The following CRTAC1 variants were observed in gnomAD, a reference collection of about 807,000 sequenced individuals.
The protein encoded by CRTAC1 is cartilage acidic protein 1.
A neutral mutation model predicts 67.8 loss-of-function variants in CRTAC1; 37 were observed. That is an observed-to-expected ratio of 0.55 (90% CI 0.42 to 0.72). The LOEUF (loss-of-function observed/expected upper bound fraction) is 0.72. Ranked by LOEUF, CRTAC1 falls within the 30% of genes least tolerant of loss-of-function variation. CRTAC1 has a pLI of 0.00. For missense variants in CRTAC1, 780 were observed against 931.6 expected (o/e 0.84, Z 2.12); for synonymous variants, 348 against 371.0 (o/e 0.94, Z 0.71).
chr10:97,994,065 C>A (rs969639335), intron 2 of CRTAC1, among the ~76,000 whole-genome samples: 9 of 152,102 alleles, frequency 5.9e-5, no homozygotes, highest in African/African-American at 1.7e-4. Context: ...CCGTGCTGGC[C>A]AGGCTGGTCT....
intron 3 of CRTAC1, among the ~76,000 whole-genome samples, chr10:97,926,938 C>G (rs61013517): frequency 0.077 from 11,750 of 152,248 alleles, 581 homozygotes; most frequent in African/African-American, 0.14. Context: ...CCTTGCCCAT[C>G]TCTGCCCAAC....
At chr10:97,991,578 C>A (rs1271160071) in intron 2 of CRTAC1, among the ~76,000 whole-genome samples, 2 of 152,136 alleles carry the variant, frequency 1.3e-5, no homozygotes, top group Non-Finnish European at 1.5e-5. Flanking sequence ...GAAACATATT[C>A]ATACTCAACA....
chr10:97,904,846 G>C, intron 6 of CRTAC1, 32 bp from the exon 7 acceptor site: 1 of 1,578,414 alleles, frequency 6.3e-7, no homozygotes, highest in Non-Finnish European at 8.6e-7. Flanking sequence ...TCTCAGGGCG[G>C]CATCCCCTGC....
At chr10:97,929,083 G>C (rs1317482864) in intron 3 of CRTAC1, among the ~76,000 whole-genome samples, 1 of 152,008 alleles carries the variant, frequency 6.6e-6, no homozygotes, top group East Asian at 1.9e-4. Flanking sequence ...GTGGCCGGCA[G>C]AGTGAGGGAG....
At chr10:97,977,187 G>A (rs1456546057) in intron 2 of CRTAC1, among the ~76,000 whole-genome samples, 1 of 152,242 alleles carries the variant, frequency 6.6e-6, no homozygotes, top group Non-Finnish European at 1.5e-5. Flanking sequence ...AGATAAGAGG[G>A]CCCAGGGTAA....
chr10:97,977,176 C>G (rs771860233), intron 2 of CRTAC1, among the ~76,000 whole-genome samples: 10 of 152,226 alleles, frequency 6.6e-5, no homozygotes, highest in Non-Finnish European at 1.5e-4. Context: ...GGGCCCCTGA[C>G]AGATAAGAGG....
At chr10:97,907,295 A>T (rs776867542) in intron 6 of CRTAC1, among the ~76,000 whole-genome samples, 5 of 151,980 alleles carry the variant, frequency 3.3e-5, no homozygotes, top group African/African-American at 4.8e-5. Context: ...AGTGAGGAAA[A>T]TCTCTGCAGA....
At chr10:97,936,995 ACT>A (rs777551826) in intron 2 of CRTAC1, among the ~76,000 whole-genome samples, 1 of 151,892 alleles carries the variant, frequency 6.6e-6, no homozygotes, top group Non-Finnish European at 1.5e-5. Context: ...GGTTTGAACA[ACT>A]CTCTCGACAA....
At chr10:98,028,749 G>A (rs1203079247) in intron 1 of CRTAC1, among the ~76,000 whole-genome samples, 1 of 152,218 alleles carries the variant, frequency 6.6e-6, no homozygotes, top group Non-Finnish European at 1.5e-5. Context: ...GTTGACTGCA[G>A]CAGACAACGA....
chr10:97,943,827 C>A lies in CRTAC1; in HGVS notation c.225-7461G>T, dbSNP rs568846980. 3.3e-5 allele frequency among the ~76,000 whole-genome samples: 5 copies of A among 152,326 alleles called. No homozygotes were observed. In the East Asian group the frequency reaches 9.6e-4, roughly 29 times the overall value. On this transcript the variant is annotated intron_variant, in intron 2 of 14. Transcript: ENST00000370597. ...TGAAGTTGATTAATTGCAATAGAGA[C>A]CGTATGGCCAAAAGCTGAAAATATT...
At chr10:97,885,991 G>A (rs2050278336) in intron 11 of CRTAC1, among the ~76,000 whole-genome samples, 2 of 152,222 alleles carry the variant, frequency 1.3e-5, no homozygotes, top group African/African-American at 4.8e-5. Flanking sequence ...TACAATGATA[G>A]CTACTATGGG....
intron 5 of CRTAC1, among the ~76,000 whole-genome samples, chr10:97,912,575 T>G (rs989337272): frequency 6.6e-6 from 1 of 150,460 alleles, no homozygotes. Flanking sequence ...TCTCTCAGAC[T>G]GCATCTGGGC....
chr10:97,942,273 G>A (rs2051187312), intron 2 of CRTAC1, among the ~76,000 whole-genome samples: 1 of 152,148 alleles, frequency 6.6e-6, no homozygotes, highest in Admixed American at 6.5e-5. Context: ...CCAGCCCATA[G>A]TGAGCTCTTA....
chr10:97,940,213 C>A (rs749849708), intron 2 of CRTAC1, among the ~76,000 whole-genome samples: 2 of 152,224 alleles, frequency 1.3e-5, no homozygotes, highest in Non-Finnish European at 2.9e-5. Flanking sequence ...ATTAACACCC[C>A]ATTTCACAGA....
At chr10:97,932,798 G>C (rs1269243000) in intron 3 of CRTAC1, among the ~76,000 whole-genome samples, 1 of 152,196 alleles carries the variant, frequency 6.6e-6, no homozygotes, top group Non-Finnish European at 1.5e-5. Context: ...ACTAGTGGGA[G>C]TTGAGCTTAA....
intron 11 of CRTAC1, among the ~76,000 whole-genome samples, chr10:97,886,617 G>C (rs1384890179): frequency 6.6e-6 from 1 of 151,782 alleles, no homozygotes; most frequent in Non-Finnish European, 1.5e-5. Context: ...TGGGACTGGG[G>C]AGTGCCAACT....
At chr10:97,952,348 T>A (rs1287663981) in intron 2 of CRTAC1, among the ~76,000 whole-genome samples, 3 of 145,828 alleles carry the variant, frequency 2.1e-5, no homozygotes, top group Non-Finnish European at 3.0e-5. Flanking sequence ...TGAGACTCCA[T>A]CTCAAAAAAA....
intron 2 of CRTAC1, among the ~76,000 whole-genome samples, chr10:97,974,838 G>A (rs1432736580): frequency 1.3e-5 from 2 of 152,150 alleles, no homozygotes; most frequent in Non-Finnish European, 2.9e-5. Context: ...ATTTAGTAAC[G>A]ACCTTAAAGA....
chr10:97,974,969 A>AGGGAGCGGGCAGTGG (rs2051774507), intron 2 of CRTAC1, among the ~76,000 whole-genome samples: 1 of 151,846 alleles, frequency 6.6e-6, no homozygotes, highest in African/African-American at 2.4e-5. Context: ...GCTGGGGAGA[A>AGGGAGCGGGCAGTGG]GGGAGCGGGC....
Sources: gnomAD v4.1 joint callset for allele counts (sites outside exome capture counted in the v4.1 genomes callset) on GRCh38, gnomAD v4.1.1 for gene constraint, MANE v1.5 for transcripts, NCBI Gene and HGNC (gene_info 2026-07-23, HGNC 2026-07-21) for gene names.